KIAA1549: variants seen among roughly 807,000 people sequenced by gnomAD.
KIAA1549 encodes KIAA1549.
Under a neutral mutation model 156.4 loss-of-function variants are expected in KIAA1549, and 70 were observed. That is an observed-to-expected ratio of 0.45 (90% CI 0.37 to 0.55). KIAA1549 has a LOEUF of 0.55. Ranked by LOEUF, KIAA1549 falls within the 20% of genes least tolerant of loss-of-function variation. The pLI, the probability that KIAA1549 is intolerant of heterozygous loss-of-function variation, is 0.00. For synonymous variants in KIAA1549, 1,103 were observed against 1,066.4 expected (o/e 1.03, Z -0.67); for missense variants, 2,428 against 2,540.9 (o/e 0.96, Z 0.96).
intron 17 of KIAA1549, 33 bp downstream of exon 17, chr7:138,852,190 A>C: frequency 6.5e-7 from 1 of 1,540,326 alleles, no homozygotes; most frequent in Non-Finnish European, 8.9e-7. Flanking sequence ...CTATGTGAGA[A>C]AGTGATAATA....
At chr7:138,961,321 G>A (rs1369915856) in intron 1 of KIAA1549, among the ~76,000 whole-genome samples, 1 of 152,188 alleles carries the variant, frequency 6.6e-6, no homozygotes, top group African/African-American at 2.4e-5. Flanking sequence ...CGGAAATGCT[G>A]CATTTTGAAA....
At chr7:138,854,536 G>A (rs1406553527) in intron 16 of KIAA1549, among the ~76,000 whole-genome samples, 1 of 151,986 alleles carries the variant, frequency 6.6e-6, no homozygotes, top group East Asian at 1.9e-4. Context: ...ACATTCCTGT[G>A]GTTTTTCTTT....
intron 14 of KIAA1549, among the ~76,000 whole-genome samples, chr7:138,868,910 C>T (rs941571295): frequency 3.3e-5 from 5 of 152,120 alleles, no homozygotes; most frequent in African/African-American, 4.8e-5. Context: ...GGGGCAGGGC[C>T]GGCCTGCGAC....
At chr7:138,910,609 G>T (rs1228772805) in intron 4 of KIAA1549, among the ~76,000 whole-genome samples, 1 of 151,642 alleles carries the variant, frequency 6.6e-6, no homozygotes, top group Non-Finnish European at 1.5e-5. Flanking sequence ...TGTTGCCCAG[G>T]CTCATCTCAA....
chr7:138,939,496 T>A (rs1813111668), intron 1 of KIAA1549, among the ~76,000 whole-genome samples: 1 of 152,230 alleles, frequency 6.6e-6, no homozygotes, highest in African/African-American at 2.4e-5. Context: ...GTCCACATTC[T>A]ATATTTGGCT....
chr7:138,891,061 G>C (rs1811531851), intron 10 of KIAA1549, among the ~76,000 whole-genome samples: 1 of 152,212 alleles, frequency 6.6e-6, no homozygotes. Context: ...CTGCAAATGG[G>C]GTGCCCCCCT....
intron 1 of KIAA1549, among the ~76,000 whole-genome samples, chr7:138,919,964 G>A (rs533188566): frequency 2.0e-5 from 3 of 152,274 alleles, no homozygotes; most frequent in African/African-American, 7.2e-5. Flanking sequence ...AAGTAAGAGA[G>A]TTCCCCAGTT....
At chr7:138,956,732 C>A (rs1334718248) in intron 1 of KIAA1549, among the ~76,000 whole-genome samples, 1 of 152,156 alleles carries the variant, frequency 6.6e-6, no homozygotes, top group African/African-American at 2.4e-5. Flanking sequence ...ATGTCTTTAT[C>A]AGCACTGTGA....
In KIAA1549 at chr7:138,833,221, G is replaced by A; in HGVS notation, c.*4685C>T. 4.3e-6 allele frequency: 1 copy of A among 232,662 alleles called. No homozygotes were observed. The highest frequency in any genetic ancestry group is 8.5e-6 in the Non-Finnish European group (1 of 117,694). 14.4% of individuals were successfully genotyped at this position (232,662 alleles called of 1,614,324 possible). A position where few individuals can be genotyped will look rare whatever the true frequency, so the allele number is the denominator to read the frequency against. ...AAGACCGGAGTCCTCCTTCCCCTGTGCCCAAAACGTTACCCAGCTTTCCTT... is the reference window on the plus strand; with the variant it reads ...AAGACCGGAGTCCTCCTTCCCCTGTACCCAAAACGTTACCCAGCTTTCCTT... On this transcript the variant is annotated 3_prime_UTR_variant, in exon 20 of 20. Transcript: ENST00000422774.
intron 10 of KIAA1549, among the ~76,000 whole-genome samples, chr7:138,887,866 G>C (rs1460059316): frequency 1.3e-5 from 2 of 152,200 alleles, no homozygotes; most frequent in African/African-American, 4.8e-5. Context: ...GGTGGCAGCA[G>C]CAGCAGCAGC....
chr7:138,954,169 G>T (rs932472116), intron 1 of KIAA1549, among the ~76,000 whole-genome samples: 6 of 152,202 alleles, frequency 3.9e-5, no homozygotes, highest in Non-Finnish European at 8.8e-5. Flanking sequence ...GACAGAAATT[G>T]CTAGAAGAAT....
At chr7:138,940,020 A>T (rs1813130796) in intron 1 of KIAA1549, among the ~76,000 whole-genome samples, 3 of 152,126 alleles carry the variant, frequency 2.0e-5, no homozygotes, top group Middle Eastern at 6.8e-3. Flanking sequence ...TTTAAAAATA[A>T]TTTTTTTATT....
intron 10 of KIAA1549, among the ~76,000 whole-genome samples, chr7:138,887,950 A>G (rs1474241401): frequency 6.6e-6 from 1 of 152,202 alleles, no homozygotes; most frequent in Non-Finnish European, 1.5e-5. Context: ...ACTCCCGCAG[A>G]AGAATACAAG....
chr7:138,949,017 G>T (rs575352585), intron 1 of KIAA1549, among the ~76,000 whole-genome samples: 1 of 152,198 alleles, frequency 6.6e-6, no homozygotes, highest in East Asian at 1.9e-4. Flanking sequence ...GGTTTATACC[G>T]TTTTTACGGG....
At position 138,937,083 on chromosome 7, in the gene KIAA1549, C is replaced by T. The variant is rs146559296; in HGVS notation, c.188-17645G>A. Among the ~76,000 whole-genome samples, 989 of 152,268 alleles carry T rather than the reference C, an allele frequency of 6.5e-3. 12 individuals are homozygous for T. Among genetic ancestry groups the T allele is most frequent in the African/African-American group, 0.023 (952 of 41,534 alleles). ...AAAGCCAAAGCCCTCAGCTGAGATACAAGAGCCTTCAGCTCCCCGTTCCCG... is the reference window on the plus strand; with the variant it reads ...AAAGCCAAAGCCCTCAGCTGAGATATAAGAGCCTTCAGCTCCCCGTTCCCG... On this transcript the variant is annotated intron_variant, in intron 1 of 19. Transcript: ENST00000422774.
chr7:138,908,040 C>A (rs1455678826), intron 5 of KIAA1549, among the ~76,000 whole-genome samples: 1 of 152,116 alleles, frequency 6.6e-6, no homozygotes, highest in Non-Finnish European at 1.5e-5. Flanking sequence ...AGCGCTCCGA[C>A]GAATTTTCCC....
chr7:138,935,111 C>T (rs1038078820), intron 1 of KIAA1549, among the ~76,000 whole-genome samples: 3 of 152,208 alleles, frequency 2.0e-5, no homozygotes, highest in Non-Finnish European at 4.4e-5. Context: ...CTCACCCAAA[C>T]ATAAAGAGAA....
At chr7:138,851,566 G>A (rs117001323) in intron 17 of KIAA1549, among the ~76,000 whole-genome samples, 1,698 of 151,460 alleles carry the variant, frequency 0.011, 20 homozygotes, top group Non-Finnish European at 0.019. Context: ...CTGGGGGTGG[G>A]TGTGGGGGTG....
chr7:138,881,725 C>CA, intron 10 of KIAA1549, 141 bp from the exon 11 acceptor site: 1 of 708,846 alleles, frequency 1.4e-6, no homozygotes, highest in Non-Finnish European at 2.3e-6. Flanking sequence ...GACTGCATGC[C>CA]AGGTTCTGTT....
Sources: gnomAD v4.1 joint callset for allele counts (sites outside exome capture counted in the v4.1 genomes callset) on GRCh38, gnomAD v4.1.1 for gene constraint, MANE v1.5 for transcripts, NCBI Gene and HGNC (gene_info 2026-07-23, HGNC 2026-07-21) for gene names.